The following MED1 variants were observed in gnomAD, a reference collection of about 807,000 sequenced individuals.
MED1 encodes mediator complex subunit 1, also known as mediator of RNA polymerase II transcription subunit 1.
A neutral mutation model predicts 121.3 loss-of-function variants in MED1; 17 were observed. The observed-to-expected ratio is 0.14, with a 90% CI of 0.10 to 0.21. The LOEUF (loss-of-function observed/expected upper bound fraction) is 0.21, where lower values mean the gene tolerates loss of function less well. Ranked by LOEUF, MED1 falls within the 10% of genes least tolerant of loss-of-function variation. The pLI is 1.00. For missense variants in MED1, 1,558 were observed against 1,919.4 expected (o/e 0.81, Z 3.52); for synonymous variants, 661 against 694.4 (o/e 0.95, Z 0.76).
At position 39,405,824 on chromosome 17, in the gene MED1, C is replaced by G; in HGVS notation, c.*1651G>C. ...TTTCCAACTCTATGCTGACTCCAAC[C>G]TGCAGAAAAAGCTGAATATAGAAAT... On this transcript the variant is annotated 3_prime_UTR_variant, in exon 17 of 17. Coordinates refer to ENST00000300651, the MANE Select transcript of MED1 (RefSeq NM_004774.4). 1.0e-6 allele frequency: 1 copy of G among 985,924 alleles called. No individual in the cohort carries two copies. Among genetic ancestry groups the G allele is most frequent in the Non-Finnish European group, 1.2e-6 (1 of 830,220 alleles). 61.1% of individuals were successfully genotyped at this position (985,924 alleles called of 1,614,324 possible).
At chr17:39,441,382 T>C (rs1477557431) in intron 3 of MED1, among the ~76,000 whole-genome samples, 1 of 152,148 alleles carries the variant, frequency 6.6e-6, no homozygotes, top group Non-Finnish European at 1.5e-5. Flanking sequence ...GTGGTGATGA[T>C]TATACAATAA....
intron 9 of MED1, among the ~76,000 whole-genome samples, chr17:39,429,309 G>C (rs2144748216): frequency 6.6e-6 from 1 of 152,246 alleles, no homozygotes; most frequent in East Asian, 1.9e-4. Context: ...CTATGTTTCT[G>C]CCACTGTACT....
intron 13 of MED1, 43 bp from the exon 14 acceptor site, chr17:39,419,961 T>C: frequency 3.8e-6 from 6 of 1,562,676 alleles, no homozygotes; most frequent in African/African-American, 1.4e-5. Context: ...TAGTTACCTA[T>C]TGTATTCCAA....
intron 14 of MED1, among the ~76,000 whole-genome samples, chr17:39,418,196 GA>G (rs2048428437): frequency 6.6e-6 from 1 of 151,082 alleles, no homozygotes; most frequent in Non-Finnish European, 1.5e-5. Context: ...AATGGGGAGA[GA>G]AAACATACTC....
intron 9 of MED1, among the ~76,000 whole-genome samples, chr17:39,430,380 A>T (rs574198664): frequency 1.3e-5 from 2 of 151,858 alleles, no homozygotes; most frequent in East Asian, 3.9e-4. Context: ...TGTCTCAAGA[A>T]AAATAAACAA....
chr17:39,424,378 AG>A (rs2048494592), intron 11 of MED1, among the ~76,000 whole-genome samples: 1 of 152,170 alleles, frequency 6.6e-6, no homozygotes, highest in Non-Finnish European at 1.5e-5. Flanking sequence ...GTAAGATAAA[AG>A]GGGGCACTCA....
chr17:39,431,190 TG>T lies in MED1; in HGVS notation c.576-3del. 6.2e-7 allele frequency: 1 copy of T among 1,608,954 alleles called. No homozygotes were observed. Among genetic ancestry groups the T allele is most frequent in the Non-Finnish European group, 8.5e-7 (1 of 1,175,366 alleles). On this transcript the variant is annotated splice_region_variant and splice_polypyrimidine_tract_variant and intron_variant, in intron 8 of 16. Coordinates refer to ENST00000300651, the MANE Select transcript of MED1 (RefSeq NM_004774.4). The stretch of plus-strand genomic sequence containing the variant: ...AAGGGACCAGCATTAGTTGCTTTCC[TG>T]TAAGACAAGTGATCTATGTTTGCTT...
intron 14 of MED1, among the ~76,000 whole-genome samples, chr17:39,416,417 A>C (rs927821253): frequency 6.6e-6 from 1 of 152,202 alleles, no homozygotes; most frequent in African/African-American, 2.4e-5. Flanking sequence ...TTCCACATAT[A>C]TCTAGCCATC....
chr17:39,431,530 C>T (rs1018263799), intron 8 of MED1, among the ~76,000 whole-genome samples: 2 of 152,142 alleles, frequency 1.3e-5, no homozygotes, highest in African/African-American at 4.8e-5. Flanking sequence ...CCGCCCGCCT[C>T]GGCCTCCCAA....
chr17:39,439,580 G>C lies in MED1; in HGVS notation c.400-387C>G, dbSNP rs540820637. On this transcript the variant is annotated intron_variant, in intron 5 of 16. Coordinates refer to ENST00000300651, the MANE Select transcript of MED1 (RefSeq NM_004774.4). ...ATCTCTTTGAAGGTAGTAACCCTGA[G>C]TCATTTATTTCTGTATCCCCAGCAC... is the stretch of plus-strand genomic sequence containing the variant. Among the ~76,000 whole-genome samples the C allele has an allele frequency of 2.8e-3, 429 of 152,208 alleles. 2 individuals carry two copies. Among genetic ancestry groups the C allele is most frequent in the Non-Finnish European group, 4.6e-3 (316 of 68,002 alleles).
At chr17:39,433,125 C>T (rs1228475021) in intron 7 of MED1, among the ~76,000 whole-genome samples, 1 of 152,096 alleles carries the variant, frequency 6.6e-6, no homozygotes, top group Non-Finnish European at 1.5e-5. Context: ...ATCGCTTGAA[C>T]CCAGGAGGCG....
chr17:39,415,939 G>A (rs1021591906), intron 14 of MED1, among the ~76,000 whole-genome samples: 4 of 149,192 alleles, frequency 2.7e-5, no homozygotes, highest in East Asian at 2.0e-4. Context: ...GCAGTGAGCC[G>A]AGATCATGTC....
chr17:39,409,658 T>C lies in MED1; in HGVS notation c.2563A>G (p.Thr855Ala). 1 of 1,614,120 alleles carries C rather than the reference T, an allele frequency of 6.2e-7. No individual in the cohort carries two copies. Among genetic ancestry groups the C allele is most frequent in the Non-Finnish European group, 8.5e-7 (1 of 1,180,022 alleles). Residue 855 changes from threonine (T) to alanine (A), a missense_variant, in exon 17 of 17, where the codon ACC (threonine) becomes GCC (alanine). Around this residue, in one of 5 missense-constraint regions of MED1, gnomAD observed 793 missense variants for 898.2 expected, o/e 0.88. Transcript: ENST00000300651. ...AAGSPSSDSP[T>A]NHFFHDGVDF... The stretch of plus-strand genomic sequence containing the variant: ...ACTCCATCATGAAAAAAATGATTGG[T>C]AGGAGAGTCACTACTGGGGCTTCCA...
In MED1 at chr17:39,405,327, G is replaced by A; in HGVS notation, c.*2148C>T. Reference sequence around the variant, plus strand: ...CTTTGATCTGGGATGAAGACAGAAAGAGAGAAAAGCTTCCCAGTTTACTCA... The same window carrying A: ...CTTTGATCTGGGATGAAGACAGAAAAAGAGAAAAGCTTCCCAGTTTACTCA... On this transcript the variant is annotated 3_prime_UTR_variant, in exon 17 of 17. Coordinates refer to ENST00000300651, the MANE Select transcript of MED1 (RefSeq NM_004774.4). 1.3e-6 allele frequency: 2 copies of A among 1,599,314 alleles called. No individual in the cohort carries two copies. Among genetic ancestry groups the A allele is most frequent in the Non-Finnish European group, 1.7e-6 (2 of 1,173,220 alleles).
intron 7 of MED1, among the ~76,000 whole-genome samples, chr17:39,434,043 C>G (rs2144755874): frequency 6.6e-6 from 1 of 152,224 alleles, no homozygotes; most frequent in African/African-American, 2.4e-5. Context: ...ATTCTGTCTT[C>G]CAGCATTATG....
chr17:39,420,268 C>T lies in MED1; in HGVS notation c.1096-350G>A, dbSNP rs369099679. Among the ~76,000 whole-genome samples, 11 of 147,940 alleles carry T rather than the reference C, an allele frequency of 7.4e-5. No homozygotes were observed. The East Asian group carries it at 1.6e-3, about 21-fold the overall frequency. On this transcript the variant is annotated intron_variant, in intron 13 of 16. Transcript: ENST00000300651. ...AGGCTGGAGTGCAGTGGTGCGATCT[C>T]GGCTCACTGCAAGCTCCGCCTCCCG...
At chr17:39,428,213 G>A (rs141705533) in intron 9 of MED1, among the ~76,000 whole-genome samples, 26 of 152,228 alleles carry the variant, frequency 1.7e-4, no homozygotes, top group Non-Finnish European at 2.8e-4. Context: ...GGCCAGGTGC[G>A]GTGGCTCATG....
At position 39,408,248 on chromosome 17, in the gene MED1, G is replaced by A; in HGVS notation, c.3973C>T (p.Leu1325=). 1 of 1,614,118 alleles carries A rather than the reference G, an allele frequency of 6.2e-7. No individual in the cohort carries two copies. Among genetic ancestry groups the A allele is most frequent in the South Asian group, 1.1e-5 (1 of 91,086 alleles). ...VTSGPGGEDP[L]DGQMGVSTNS... ...GTGCTCACCCCCATCTGGCCGTCCA[G>A]TGGGTCTTCACCCCCAGGGCCACTG... The change falls in exon 17 of 17, where the codon CTG becomes TTG. Residue 1325 remains leucine (L), a synonymous_variant. Transcript: ENST00000300651. This position sits in a 1 kb window ranked among gnomAD's most constrained non-coding sequence, Gnocchi z 4.7.
At chr17:39,423,541 T>A (rs2048486789) in intron 12 of MED1, 96 bp from the exon 13 acceptor site, 1 of 1,416,896 alleles carries the variant, frequency 7.1e-7, no homozygotes, top group Non-Finnish European at 9.9e-7. Flanking sequence ...CCCAAAAGAG[T>A]ACTTACTAAG....
Sources: allele counts gnomAD v4.1 joint callset (sites outside exome capture counted in the v4.1 genomes callset), GRCh38; gene constraint gnomAD v4.1.1; regional missense constraint gnomAD v4.1.1; non-coding constraint Gnocchi (gnomAD v3.1); transcripts MANE v1.5; gene names NCBI Gene and HGNC (gene_info 2026-07-23, HGNC 2026-07-21).